The following MIER2 variants were observed in gnomAD, a reference collection of about 807,000 sequenced individuals.
MIER2 encodes the protein mesoderm induction early response protein 2.
A neutral mutation model predicts 67.6 loss-of-function variants in MIER2; 30 were observed. That is an observed-to-expected ratio of 0.44 (90% CI 0.33 to 0.60). The LOEUF (loss-of-function observed/expected upper bound fraction) is 0.60, where lower values mean the gene tolerates loss of function less well. Among genes scored for constraint, MIER2 ranks in the 20% least tolerant of loss-of-function variants. The pLI, the probability that MIER2 is intolerant of heterozygous loss-of-function variation, is 0.02. For synonymous variants in MIER2, 372 were observed against 312.6 expected (o/e 1.19, Z -2.00); for missense variants, 702 against 745.1 (o/e 0.94, Z 0.67).
In MIER2 at chr19:335,530, AAG is replaced by A. The variant is rs1972204437; in HGVS notation, c.100+551_100+552del. Among the ~76,000 whole-genome samples the A allele has an allele frequency of 3.3e-5, 5 of 152,264 alleles. No individual in the cohort carries two copies. In the South Asian group the frequency reaches 1.0e-3, roughly 32 times the overall value. Reference sequence around the variant, plus strand: ...CGGGTGGTGACTAGTTTGATACGGAAAGAGACGCAGCCCTACACCTGGCAGAA... The same window carrying A: ...CGGGTGGTGACTAGTTTGATACGGAAAGACGCAGCCCTACACCTGGCAGAA... On this transcript the variant is annotated intron_variant, in intron 2 of 13. Coordinates refer to ENST00000264819, the MANE Select transcript of MIER2 (RefSeq NM_017550.3).
At chr19:319,084 C>T (rs893330501) in intron 7 of MIER2, among the ~76,000 whole-genome samples, 1 of 146,212 alleles carries the variant, frequency 6.8e-6, no homozygotes, top group South Asian at 2.1e-4. Context: ...AGTAAAAAGG[C>T]TGGGTGCTGG....
chr19:344,088 TTCCTGGACGAGGGAGGAGGC>T, intron 1 of MIER2: 1 of 985,438 alleles, frequency 1.0e-6, no homozygotes, highest in Non-Finnish European at 1.2e-6. Flanking sequence ...CCGGGCTTGT[TTCCTGGACGAGGGAGGAGGC>T]TCCAGAAGTA....
intron 7 of MIER2, among the ~76,000 whole-genome samples, chr19:316,901 G>A (rs780217263): frequency 4.6e-5 from 7 of 150,694 alleles, no homozygotes; most frequent in Non-Finnish European, 1.0e-4. Context: ...CCCAGGAGGC[G>A]GAGGTTGCAA....
At chr19:326,780 G>C in intron 5 of MIER2, 182 bp from the exon 6 acceptor site, 1 of 606,572 alleles carries the variant, frequency 1.6e-6, no homozygotes, top group Non-Finnish European at 2.9e-6. Context: ...GAAGAAAGAG[G>C]CCTTCCCTTC....
chr19:326,691 C>G, intron 5 of MIER2, 93 bp from the exon 6 acceptor site: 1 of 1,021,030 alleles, frequency 9.8e-7, no homozygotes, highest in South Asian at 1.3e-5. Context: ...TCCACCTGAT[C>G]CCCAGGCCAT....
intron 7 of MIER2, among the ~76,000 whole-genome samples, chr19:321,161 C>T (rs752395805): frequency 7.2e-5 from 11 of 152,310 alleles, no homozygotes; most frequent in Admixed American, 3.3e-4. Flanking sequence ...CATCTGCTGG[C>T]GCCTGACCGT....
chr19:326,764 A>G (rs1444146039), intron 5 of MIER2, 166 bp from the exon 6 acceptor site: 1 of 617,976 alleles, frequency 1.6e-6, no homozygotes, highest in South Asian at 2.0e-5. Flanking sequence ...CCAGGGATGC[A>G]CCTTTGAAGA....
At position 308,985 on chromosome 19, in the gene MIER2, C is replaced by A; in HGVS notation, c.985-60G>T. 1 of 1,566,234 alleles carries A rather than the reference C, an allele frequency of 6.4e-7. No individual in the cohort carries two copies. The highest frequency in any genetic ancestry group is 8.7e-7 in the Non-Finnish European group (1 of 1,150,810). On this transcript the variant is annotated intron_variant, in intron 10 of 13. Transcript: ENST00000264819. The surrounding 1 kb of genome is among the most constrained non-coding windows in gnomAD (Gnocchi z 9.1). ...GGCTGCCCAGCCCCAGCACCTGCAC[C>A]ACGATCCCAGGACGTCCTGGGACCC... is the stretch of plus-strand genomic sequence containing the variant.
At chr19:339,063 C>G (rs1344148201) in intron 1 of MIER2, among the ~76,000 whole-genome samples, 1 of 90,098 alleles carries the variant, frequency 1.1e-5, no homozygotes, top group Non-Finnish European at 2.1e-5. Context: ...GATAAGACAC[C>G]AAAATCACAA....
At chr19:328,107 C>G in intron 3 of MIER2, 118 bp from the exon 4 acceptor site, 3 of 1,372,638 alleles carry the variant, frequency 2.2e-6, no homozygotes, top group Non-Finnish European at 2.9e-6. Context: ...ACACCCATAG[C>G]AACTCCCCAC....
rs548783338 is a variant in MIER2 at position 341,416 on chromosome 19, G to C, written c.9+3358C>G. On this transcript the variant is annotated intron_variant, in intron 1 of 13. Transcript: ENST00000264819. Reference sequence around the variant, plus strand: ...ACGTGCCATTTAACAGGAGAGCTAAGGCAGAGGGGGGCAAAGAGGGAAGCG... The same window carrying C: ...ACGTGCCATTTAACAGGAGAGCTAACGCAGAGGGGGGCAAAGAGGGAAGCG... Among the ~76,000 whole-genome samples, 14 of 152,300 alleles carry C rather than the reference G, an allele frequency of 9.2e-5. No individual in the cohort carries two copies. In the East Asian group the frequency reaches 2.7e-3, roughly 29 times the overall value.
In MIER2 at chr19:307,540, T is replaced by C; in HGVS notation, c.1199-4A>G. 3 of 1,498,974 alleles carry C rather than the reference T, an allele frequency of 2.0e-6. No individual in the cohort carries two copies. Among genetic ancestry groups the C allele is most frequent in the Non-Finnish European group, 2.7e-6 (3 of 1,131,034 alleles). 92.9% of individuals were successfully genotyped at this position (1,498,974 alleles called of 1,614,324 possible). ...GTGCCATCCACGCTCAGTGGATCTG[T>C]GAAAGAGAACGCAACAGAGGGTGGG... On this transcript the variant is annotated splice_polypyrimidine_tract_variant and splice_region_variant and intron_variant, in intron 12 of 13. Transcript: ENST00000264819.
At chr19:324,266 G>T (rs1253523789) in intron 7 of MIER2, among the ~76,000 whole-genome samples, 1 of 131,676 alleles carries the variant, frequency 7.6e-6, no homozygotes, top group Non-Finnish European at 1.6e-5. Context: ...CAGACAACTC[G>T]AATGACACAG....
chr19:306,590 G>C lies in MIER2; in HGVS notation c.*100C>G. On this transcript the variant is annotated 3_prime_UTR_variant, in exon 14 of 14. Transcript: ENST00000264819. ...GAAGCAGAAGGAGGTGCTACCCCAAGGCCCGGGGGGTGGGGAAGGGGTCAG... is the reference window on the plus strand; with the variant it reads ...GAAGCAGAAGGAGGTGCTACCCCAACGCCCGGGGGGTGGGGAAGGGGTCAG... 1 of 1,483,582 alleles carries C rather than the reference G, an allele frequency of 6.7e-7. No homozygotes were observed. Among genetic ancestry groups the C allele is most frequent in the Non-Finnish European group, 9.2e-7 (1 of 1,087,708 alleles). 91.9% of individuals were successfully genotyped at this position (1,483,582 alleles called of 1,614,324 possible). A position where few individuals can be genotyped will look rare whatever the true frequency, so the allele number is the denominator to read the frequency against.
At chr19:330,979 T>C (rs1600161711) in intron 3 of MIER2, among the ~76,000 whole-genome samples, 1 of 152,174 alleles carries the variant, frequency 6.6e-6, no homozygotes, top group African/African-American at 2.4e-5. Context: ...TGTGAAATAC[T>C]CCTACCTTTT....
At chr19:344,566 G>C (rs1237060989) in intron 1 of MIER2, 1 of 180,940 alleles carries the variant, frequency 5.5e-6, no homozygotes, top group Admixed American at 1.9e-4. Context: ...TGGCAGCCGG[G>C]GGAGTTGGGG....
At chr19:317,088 T>TA (rs1367736360) in intron 7 of MIER2, among the ~76,000 whole-genome samples, 1 of 151,880 alleles carries the variant, frequency 6.6e-6, no homozygotes, top group Non-Finnish European at 1.5e-5. Flanking sequence ...AAAGAAGATA[T>TA]AAAAAAATTA....
intron 7 of MIER2, among the ~76,000 whole-genome samples, chr19:318,989 G>A (rs528830740): frequency 1.4e-4 from 21 of 150,696 alleles, no homozygotes; most frequent in South Asian, 2.1e-4. Context: ...CCCAGGAGGC[G>A]GAGCTTGCAG....
At chr19:309,573 GACACAC>G (rs765118782) in intron 10 of MIER2, among the ~76,000 whole-genome samples, 2 of 105,348 alleles carry the variant, frequency 1.9e-5, no homozygotes, top group African/African-American at 5.1e-5. Context: ...GACGAGAAGG[GACACAC>G]ACACACACAC....
Sources: gnomAD v4.1 joint callset for allele counts (sites outside exome capture counted in the v4.1 genomes callset) on GRCh38, gnomAD v4.1.1 for gene constraint, Gnocchi (gnomAD v3.1) non-coding constraint, MANE v1.5 for transcripts, NCBI Gene and HGNC (gene_info 2026-07-23, HGNC 2026-07-21) for gene names.